The following KCNK5 variants were observed in gnomAD, a reference collection of about 807,000 sequenced individuals.
The protein encoded by KCNK5 is potassium channel subfamily K member 5.
A neutral mutation model predicts 32.9 loss-of-function variants in KCNK5; 18 were observed. That is an observed-to-expected ratio of 0.55 (90% CI 0.38 to 0.81). The LOEUF is 0.81. Ranked by LOEUF, KCNK5 falls within the 30% of genes least tolerant of loss-of-function variation. The pLI, the probability that KCNK5 is intolerant of heterozygous loss-of-function variation, is 0.00. For synonymous variants in KCNK5, 276 were observed against 275.3 expected, an observed-to-expected ratio of 1.00 and a Z score of -0.03; for missense variants, 507 against 651.0, an observed-to-expected ratio of 0.78 and a Z score of 2.41.
intron 1 of KCNK5, among the ~76,000 whole-genome samples, chr6:39,226,918 TGG>T (rs1771682499): frequency 6.6e-6 from 1 of 152,210 alleles, no homozygotes; most frequent in Non-Finnish European, 1.5e-5. Flanking sequence ...CAAAGCAGAC[TGG>T]CTTGATGCCC....
At position 39,189,767 on chromosome 6, in the gene KCNK5, C is replaced by A; in HGVS notation, c.*1123G>T. On this transcript the variant is annotated 3_prime_UTR_variant, in exon 5 of 5. Coordinates refer to ENST00000359534, the MANE Select transcript of KCNK5 (RefSeq NM_003740.4). ...GTGCACAGGTGTGCGTGTGCACACA[C>A]GCACTGTGCACACACACGTGCACAT... 6.5e-6 allele frequency: 1 copy of A among 152,790 alleles called. No individual in the cohort carries two copies. Among genetic ancestry groups the A allele is most frequent in the Middle Eastern group, 3.4e-3 (1 of 294 alleles). 9.5% of individuals were successfully genotyped at this position (152,790 alleles called of 1,614,324 possible). A position where few individuals can be genotyped will look rare whatever the true frequency, so the allele number is the denominator to read the frequency against.
intron 1 of KCNK5, among the ~76,000 whole-genome samples, chr6:39,216,968 A>C (rs562829187): frequency 4.5e-4 from 69 of 151,882 alleles, no homozygotes; most frequent in African/African-American, 1.6e-3. Flanking sequence ...CTAAAAATAC[A>C]AACTTAGCTG....
chr6:39,213,454 T>C (rs919044483), intron 1 of KCNK5, among the ~76,000 whole-genome samples: 42 of 152,198 alleles, frequency 2.8e-4, no homozygotes, highest in African/African-American at 9.6e-4. Flanking sequence ...CCTCCTCATC[T>C]TGATTTTGTA....
chr6:39,211,626 G>T (rs1382892782), intron 1 of KCNK5, among the ~76,000 whole-genome samples: 1 of 152,250 alleles, frequency 6.6e-6, no homozygotes, highest in African/African-American at 2.4e-5. Flanking sequence ...AATGTAGCCA[G>T]TGACTGGAGA....
intron 1 of KCNK5, among the ~76,000 whole-genome samples, chr6:39,219,872 A>C (rs976034240): frequency 1.3e-5 from 2 of 152,270 alleles, no homozygotes; most frequent in Non-Finnish European, 1.5e-5. Context: ...GAAGGTTGCA[A>C]ATGGTCTAGC....
intron 1 of KCNK5, among the ~76,000 whole-genome samples, chr6:39,225,990 A>C (rs1432877243): frequency 1.3e-5 from 2 of 152,206 alleles, no homozygotes; most frequent in Non-Finnish European, 2.9e-5. Context: ...CTTTTTATAG[A>C]CATCTTGCCT....
At chr6:39,220,998 C>T (rs1401466035) in intron 1 of KCNK5, among the ~76,000 whole-genome samples, 1 of 152,234 alleles carries the variant, frequency 6.6e-6, no homozygotes, top group Non-Finnish European at 1.5e-5. Flanking sequence ...ATGCCCTGCA[C>T]TTTCTCGCCT....
intron 1 of KCNK5, among the ~76,000 whole-genome samples, chr6:39,216,844 C>T (rs370784430): frequency 6.6e-6 from 1 of 151,914 alleles, no homozygotes; most frequent in Non-Finnish European, 1.5e-5. Context: ...CACTGCCGGG[C>T]GCGGTGGTGG....
At chr6:39,196,307 TTC>T (rs1021445401) in intron 1 of KCNK5, among the ~76,000 whole-genome samples, 3 of 152,138 alleles carry the variant, frequency 2.0e-5, no homozygotes, top group African/African-American at 7.2e-5. Flanking sequence ...TACTCCGAGT[TTC>T]TGATTTAGGA....
rs1322638463 is a variant in KCNK5, at chr6:39,192,246, G to A, written c.635-491C>T. 2.6e-5 allele frequency among the ~76,000 whole-genome samples: 3 copies of A among 116,218 alleles called. No individual in the cohort carries two copies. In the East Asian group the frequency reaches 9.0e-4, roughly 35 times the overall value. The allele number at this position is 116,218 out of a possible 152,430, so 76.2% of individuals were successfully genotyped here. ...TGCAGTGAGCCAAGATCACACCACT[G>A]CCACTCTAGCCTGGGCAGCAGACAG... On this transcript the variant is annotated intron_variant, in intron 4 of 4. Transcript: ENST00000359534.
intron 1 of KCNK5, among the ~76,000 whole-genome samples, chr6:39,219,735 G>A (rs909048164): frequency 6.6e-6 from 1 of 152,108 alleles, no homozygotes; most frequent in Non-Finnish European, 1.5e-5. Context: ...CCCCTGAGCT[G>A]AGCACAGTGC....
chr6:39,206,310 G>A (rs961721047), intron 1 of KCNK5, among the ~76,000 whole-genome samples: 20 of 152,184 alleles, frequency 1.3e-4, no homozygotes, highest in African/African-American at 4.6e-4. Flanking sequence ...TCATACCCAC[G>A]GATCTGACCT....
At chr6:39,212,393 CTG>C (rs1771357855) in intron 1 of KCNK5, among the ~76,000 whole-genome samples, 1 of 152,246 alleles carries the variant, frequency 6.6e-6, no homozygotes, top group Non-Finnish European at 1.5e-5. Context: ...AGTACCAAGA[CTG>C]TATCAAGCAC....
chr6:39,194,515 A>G lies in KCNK5; in HGVS notation c.465+79T>C. 6.5e-7 allele frequency: 1 copy of G among 1,534,242 alleles called. No homozygotes were observed. The highest frequency in any genetic ancestry group is 8.9e-7 in the Non-Finnish European group (1 of 1,126,084). On this transcript the variant is annotated intron_variant, in intron 3 of 4. Coordinates refer to ENST00000359534, the MANE Select transcript of KCNK5 (RefSeq NM_003740.4). The surrounding 1 kb of genome is among the most constrained non-coding windows in gnomAD (Gnocchi z 4.7). Reference sequence around the variant, plus strand: ...CATCTGTCCTTACACCCTTGGTCCAATTCCTAGAGGCCTCCTGTCCTCCCC... The same window carrying G: ...CATCTGTCCTTACACCCTTGGTCCAGTTCCTAGAGGCCTCCTGTCCTCCCC...
chr6:39,196,562 A>G (rs1181170890), intron 1 of KCNK5, among the ~76,000 whole-genome samples: 2 of 152,144 alleles, frequency 1.3e-5, no homozygotes, highest in Admixed American at 6.5e-5. Flanking sequence ...AGCCTACTGT[A>G]GGATACCTGC....
At chr6:39,196,859 T>C (rs906638008) in intron 1 of KCNK5, among the ~76,000 whole-genome samples, 3 of 152,154 alleles carry the variant, frequency 2.0e-5, no homozygotes, top group African/African-American at 7.2e-5. Context: ...GGATGGGATG[T>C]CCCCCTGGAG....
At chr6:39,202,451 G>A (rs1183563989) in intron 1 of KCNK5, among the ~76,000 whole-genome samples, 1 of 152,160 alleles carries the variant, frequency 6.6e-6, no homozygotes, top group Admixed American at 6.5e-5. Context: ...GGAGAGGGCA[G>A]GGGGCAGGAG....
At chr6:39,219,151 C>G (rs981028821) in intron 1 of KCNK5, among the ~76,000 whole-genome samples, 1 of 152,052 alleles carries the variant, frequency 6.6e-6, no homozygotes, top group East Asian at 1.9e-4. Flanking sequence ...GCTGCCTGGG[C>G]CTTATTTCAC....
Position 39,190,368 on chromosome 6 carries a change from C to T in KCNK5, c.*522G>A. 6.5e-6 allele frequency: 1 copy of T among 152,986 alleles called. No individual in the cohort carries two copies. Among genetic ancestry groups the T allele is most frequent in the Non-Finnish European group, 1.5e-5 (1 of 68,636 alleles). The allele number at this position is 152,986 out of a possible 1,614,324, so 9.5% of individuals were successfully genotyped here. On this transcript the variant is annotated 3_prime_UTR_variant, in exon 5 of 5. Coordinates refer to ENST00000359534, the MANE Select transcript of KCNK5 (RefSeq NM_003740.4). ...GGTTTGTAGTAGGTGCCCGACCTGA[C>T]CGGCAGGCCCACAGCTGGGATGCGG...
Sources: allele counts gnomAD v4.1 joint callset (sites outside exome capture counted in the v4.1 genomes callset), GRCh38; gene constraint gnomAD v4.1.1; non-coding constraint Gnocchi (gnomAD v3.1); transcripts MANE v1.5; gene names NCBI Gene and HGNC (gene_info 2026-07-23, HGNC 2026-07-21).